TLN2: variants seen among roughly 807,000 people sequenced by gnomAD.
TLN2 encodes talin-2.
Under a neutral mutation model 294.7 loss-of-function variants are expected in TLN2, and 118 were observed. That is an observed-to-expected ratio of 0.40 (90% confidence interval 0.34 to 0.47). TLN2 has a LOEUF of 0.47. Ranked by LOEUF, TLN2 falls within the 20% of genes least tolerant of loss-of-function variation. The pLI, the probability that TLN2 is intolerant of heterozygous loss-of-function variation, is 0.84. For missense variants in TLN2, 3,083 were observed against 3,282.2 expected, an observed-to-expected ratio of 0.94 and a Z score of 1.48; for synonymous variants, 1,431 against 1,304.5, an observed-to-expected ratio of 1.10 and a Z score of -2.09.
intron 1 of TLN2, among the ~76,000 whole-genome samples, chr15:62,446,975 T>A (rs115452326): frequency 1.0e-5 from 1 of 96,176 alleles, no homozygotes; most frequent in African/African-American, 2.8e-5. Context: ...CTGCAAGAAG[T>A]TAATAGGGCT....
chr15:62,793,677 C>T (rs951510166), intron 46 of TLN2, among the ~76,000 whole-genome samples: 2 of 152,158 alleles, frequency 1.3e-5, no homozygotes, highest in African/African-American at 2.4e-5. Flanking sequence ...CCCCAGTATG[C>T]GAGTCTTTTG....
chr15:62,633,348 G>A (rs192509583), intron 3 of TLN2, among the ~76,000 whole-genome samples: 58 of 152,342 alleles, frequency 3.8e-4, no homozygotes, highest in Middle Eastern at 3.4e-3. Context: ...TCAGGCTGCA[G>A]TACGGTGATG....
chr15:62,636,338 G>A (rs1251071270), intron 3 of TLN2, among the ~76,000 whole-genome samples: 1 of 152,104 alleles, frequency 6.6e-6, no homozygotes, highest in African/African-American at 2.4e-5. Context: ...CTTGGAATGA[G>A]TGGTGGTAGA....
At chr15:62,838,208 C>T (rs1369337284) in intron 57 of TLN2, 1 of 152,246 alleles carries the variant, frequency 6.6e-6, no homozygotes, top group Non-Finnish European at 1.5e-5. Context: ...AGCCCTTCCA[C>T]AGAGGGGTAG....
At chr15:62,831,391 T>C (rs907577004) in intron 54 of TLN2, 3 of 152,092 alleles carry the variant, frequency 2.0e-5, no homozygotes, top group Admixed American at 6.5e-5. Flanking sequence ...CCTGGTGCTT[T>C]AATCTGTTAT....
At chr15:62,715,447 T>C (rs117165119) in intron 22 of TLN2, among the ~76,000 whole-genome samples, 4 of 152,358 alleles carry the variant, frequency 2.6e-5, no homozygotes, top group East Asian at 3.9e-4. Flanking sequence ...GCTACTGTTA[T>C]AGTTGTGGGA....
At chr15:62,809,813 T>G (rs530016288) in intron 51 of TLN2, 112 bp from the exon 52 acceptor site, 9 of 910,526 alleles carry the variant, frequency 9.9e-6, no homozygotes, top group African/African-American at 8.2e-5. Flanking sequence ...GTCCAGGGAG[T>G]CAGGGCAGTT....
intron 9 of TLN2, among the ~76,000 whole-genome samples, chr15:62,669,590 T>G (rs2055148473): frequency 6.6e-6 from 1 of 152,084 alleles, no homozygotes; most frequent in African/African-American, 2.4e-5. Context: ...GTGGGAGGGA[T>G]TTTGCTTGAC....
At chr15:62,667,301 C>T (rs1669000262) in intron 9 of TLN2, among the ~76,000 whole-genome samples, 2 of 152,164 alleles carry the variant, frequency 1.3e-5, no homozygotes, top group African/African-American at 2.4e-5. Context: ...CAGGTGGATG[C>T]TGCTGGTCCT....
intron 3 of TLN2, among the ~76,000 whole-genome samples, chr15:62,622,144 T>C (rs1292279020): frequency 6.6e-6 from 1 of 152,204 alleles, no homozygotes; most frequent in Non-Finnish European, 1.5e-5. Flanking sequence ...TTCAGAGTAA[T>C]CCTATGCTTT....
intron 1 of TLN2, among the ~76,000 whole-genome samples, chr15:62,439,325 T>C (rs919894109): frequency 6.6e-6 from 1 of 152,188 alleles, no homozygotes; most frequent in Non-Finnish European, 1.5e-5. Context: ...CCAGTTGTTT[T>C]TTTTTGAGAT....
intron 1 of TLN2, among the ~76,000 whole-genome samples, chr15:62,490,735 C>T (rs533390275): frequency 6.6e-6 from 1 of 152,208 alleles, no homozygotes; most frequent in South Asian, 2.1e-4. Context: ...GTATACATCA[C>T]TTTTTCTACA....
intron 52 of TLN2, among the ~76,000 whole-genome samples, chr15:62,818,102 G>A (rs1485413387): frequency 6.6e-6 from 1 of 152,122 alleles, no homozygotes; most frequent in Admixed American, 6.6e-5. Flanking sequence ...GAGCCACTGC[G>A]CCCAGCCTCC....
At chr15:62,668,869 T>G (rs975908400) in intron 9 of TLN2, among the ~76,000 whole-genome samples, 1 of 152,246 alleles carries the variant, frequency 6.6e-6, no homozygotes, top group Non-Finnish European at 1.5e-5. Context: ...TCAACCTGGT[T>G]TGGACTATTA....
At chr15:62,776,976 C>T (rs2063761514) in intron 43 of TLN2, 66 bp downstream of exon 43, 2 of 1,336,310 alleles carry the variant, frequency 1.5e-6, no homozygotes, top group Non-Finnish European at 1.9e-6. Flanking sequence ...GCGTGCTTTT[C>T]TCTAAGCTGT....
intron 1 of TLN2, among the ~76,000 whole-genome samples, chr15:62,472,511 G>T (rs921728984): frequency 1.3e-5 from 2 of 152,236 alleles, no homozygotes; most frequent in Non-Finnish European, 2.9e-5. Context: ...CCTGCACTGA[G>T]TATGGGGTGT....
At chr15:62,839,904 G>T (rs180923946) in intron 58 of TLN2, among the ~76,000 whole-genome samples, 2 of 152,326 alleles carry the variant, frequency 1.3e-5, no homozygotes, top group Admixed American at 1.3e-4. Flanking sequence ...GCTCTGGAAA[G>T]CCAGGAAAGG....
chr15:62,770,349 A>G (rs1241073049), intron 41 of TLN2, among the ~76,000 whole-genome samples: 1 of 152,228 alleles, frequency 6.6e-6, no homozygotes, highest in Non-Finnish European at 1.5e-5. Context: ...ATGGATATGC[A>G]TGGCAGTGCC....
At chr15:62,506,506 G>A (rs947904025) in intron 1 of TLN2, among the ~76,000 whole-genome samples, 1 of 152,212 alleles carries the variant, frequency 6.6e-6, no homozygotes, top group African/African-American at 2.4e-5. Context: ...CCTAGGAACT[G>A]TGCTGAACCT....
Sources: gnomAD v4.1 joint callset for allele counts (sites outside exome capture counted in the v4.1 genomes callset) on GRCh38, gnomAD v4.1.1 for gene constraint, MANE v1.5 for transcripts, NCBI Gene and HGNC (gene_info 2026-07-23, HGNC 2026-07-21) for gene names.